The following CEP250 variants were observed in gnomAD, a reference collection of about 807,000 sequenced individuals.
CEP250 encodes centrosome-associated protein CEP250.
A neutral mutation model predicts 315.7 loss-of-function variants in CEP250; 242 were observed. The ratio of observed to expected loss-of-function variants is 0.77; its 90% confidence interval spans 0.69 to 0.85. The LOEUF (loss-of-function observed/expected upper bound fraction) is 0.85. CEP250 is among the 40% of genes least tolerant of loss of function. The probability of loss-of-function intolerance (pLI) is 0.00; values close to 1 mark genes in which losing one functional copy is unlikely to be tolerated. For synonymous variants in CEP250, 1,088 were observed against 1,175.0 expected, an observed-to-expected ratio of 0.93 and a Z score of 1.51; for missense variants, 2,515 against 2,886.4, an observed-to-expected ratio of 0.87 and a Z score of 2.95.
Position 35,479,964 on chromosome 20 carries a change from C to T in CEP250, c.2417-12C>T, listed in dbSNP as rs2063297831. 1 of 1,612,952 alleles carries T rather than the reference C, an allele frequency of 6.2e-7. No individual in the cohort carries two copies. The highest frequency in any genetic ancestry group is 8.5e-7 in the Non-Finnish European group (1 of 1,179,336). ...AGGGGGCGGAGGCCTGATCCTGTCC[C>T]TGGCATGTTAGGGGAAGTGAGGTGC... On this transcript the variant is annotated splice_polypyrimidine_tract_variant and intron_variant, in intron 19 of 34. Coordinates refer to ENST00000397527, the MANE Select transcript of CEP250 (RefSeq NM_007186.6).
In CEP250 at chr20:35,512,177, G is replaced by A; in HGVS notation, c.*551G>A. ...CCTACAGTCCAGTTGATGAGAACAG[G>A]CTAACACTCATTTATGAGTCAGAGG... On this transcript the variant is annotated 3_prime_UTR_variant, in exon 35 of 35. Transcript: ENST00000397527. 3.3e-6 allele frequency: 1 copy of A among 307,130 alleles called. No individual in the cohort carries two copies. Among genetic ancestry groups the A allele is most frequent in the Non-Finnish European group, 4.8e-6 (1 of 209,394 alleles). 19.0% of individuals were successfully genotyped at this position (307,130 alleles called of 1,614,324 possible).
rs951885577 is a variant in CEP250 at position 35,516,262 on chromosome 20, C to A, written c.*4636C>A. 1 of 152,188 alleles carries A rather than the reference C, an allele frequency of 6.6e-6. No individual in the cohort carries two copies. Among genetic ancestry groups the A allele is most frequent in the Non-Finnish European group, 1.5e-5 (1 of 68,030 alleles). The allele number at this position is 152,188 out of a possible 1,614,324, so 9.4% of individuals were successfully genotyped here. The stretch of plus-strand genomic sequence containing the variant: ...CGAGAATTCATATTCAAATGTGATT[C>A]TTTCTTAATTACTACCAGTTGTTCA... On this transcript the variant is annotated 3_prime_UTR_variant, in exon 35 of 35. Coordinates refer to ENST00000397527, the MANE Select transcript of CEP250 (RefSeq NM_007186.6).
intron 20 of CEP250, among the ~76,000 whole-genome samples, chr20:35,484,328 C>T (rs2063444339): frequency 6.6e-6 from 1 of 152,136 alleles, no homozygotes; most frequent in African/African-American, 2.4e-5. Flanking sequence ...ATCCCAGGAC[C>T]ACCTTAAAGT....
rs1163871888 is a variant in CEP250, at chr20:35,516,704, A to G, written c.*5078A>G. On this transcript the variant is annotated 3_prime_UTR_variant, in exon 35 of 35. Coordinates refer to ENST00000397527, the MANE Select transcript of CEP250 (RefSeq NM_007186.6). ...CCTGGACACAGATGAAAGTTTGCAG[A>G]ATGACCCAGTTGTGCAGAAGAGACC... 3 of 152,280 alleles carry G rather than the reference A, an allele frequency of 2.0e-5. No homozygotes were observed. The highest frequency in any genetic ancestry group is 7.2e-5 in the African/African-American group (3 of 41,464). 9.4% of individuals were successfully genotyped at this position (152,280 alleles called of 1,614,324 possible). A position where few individuals can be genotyped will look rare whatever the true frequency, so the allele number is the denominator to read the frequency against.
At chr20:35,489,929 A>G (rs928821434) in intron 20 of CEP250, among the ~76,000 whole-genome samples, 1 of 152,190 alleles carries the variant, frequency 6.6e-6, no homozygotes, top group African/African-American at 2.4e-5. Context: ...CTGTGTTCTT[A>G]GCTACTCAGG....
rs6142393 is a variant in CEP250 at position 35,480,088 on chromosome 20, C to T, written c.2529C>T (p.Ala843=). Residue 843 remains alanine (A), a synonymous_variant, in exon 20 of 35, where the codon GCC becomes GCT. Coordinates refer to ENST00000397527, the MANE Select transcript of CEP250 (RefSeq NM_007186.6). ...LAQAEQEGKT[A]LEQQKAAHEK... ...AGGCTGAGCAAGAAGGGAAGACTGC[C>T]TTGGAGCAGCAGAAGGCAGCCCATG... The T allele has an allele frequency of 1.9e-6, 3 of 1,612,756 alleles. No homozygotes were observed. Among genetic ancestry groups the T allele is most frequent in the Non-Finnish European group, 2.5e-6 (3 of 1,180,022 alleles).
intron 24 of CEP250, among the ~76,000 whole-genome samples, chr20:35,496,338 A>G (rs1034400986): frequency 6.6e-6 from 1 of 151,936 alleles, no homozygotes; most frequent in African/African-American, 2.4e-5. Context: ...CTCTGTCTCA[A>G]TAAAAAAAAA....
chr20:35,502,975 CAAATGATT>C lies in CEP250; in HGVS notation c.4607_4614del (p.Gln1536ArgfsTer75). ...GCTTCTAGAACTTGAGAAGAAAGACCAAATGATTGAGTCCCAGAGAGGACAGGTTCAGG... is the reference window on the plus strand; with the variant it reads ...GCTTCTAGAACTTGAGAAGAAAGACCGAGTCCCAGAGAGGACAGGTTCAGG... On this transcript the variant is annotated frameshift_variant, in exon 30 of 35. Transcript: ENST00000397527. LOFTEE classifies it high-confidence loss of function. The C allele has an allele frequency of 6.2e-7, 1 of 1,614,132 alleles. No individual in the cohort carries two copies. The highest frequency in any genetic ancestry group is 8.5e-7 in the Non-Finnish European group (1 of 1,180,020).
chr20:35,469,328 T>C (rs755965512), intron 9 of CEP250, among the ~76,000 whole-genome samples: 2 of 152,148 alleles, frequency 1.3e-5, no homozygotes, highest in African/African-American at 2.4e-5. Flanking sequence ...TTTAAACTTT[T>C]AGATAGCATT....
chr20:35,492,468 A>G (rs1024142988), intron 22 of CEP250, among the ~76,000 whole-genome samples: 2 of 152,060 alleles, frequency 1.3e-5, no homozygotes, highest in African/African-American at 4.8e-5. Flanking sequence ...AGTGAATTGT[A>G]TGGTATATGA....
In CEP250 at chr20:35,504,040, G is replaced by A; in HGVS notation, c.5671G>A (p.Asp1891Asn). 1 of 1,606,790 alleles carries A rather than the reference G, an allele frequency of 6.2e-7. No homozygotes were observed. The highest frequency in any genetic ancestry group is 8.5e-7 in the Non-Finnish European group (1 of 1,175,962). Residue 1891 changes from aspartate (D) to asparagine (N), a missense_variant, in exon 30 of 35, where the codon GAC becomes AAC. Asp to Asn is a conservative substitution (Grantham distance 23). Transcript: ENST00000397527. Reference sequence around the variant, plus strand: ...CCAGGCCCTGGAGGAGGTGCTGGGAGACCTAAGGGCTGAGTCTCGGGAACA... The same window carrying A: ...CCAGGCCCTGGAGGAGGTGCTGGGAAACCTAAGGGCTGAGTCTCGGGAACA... ...RVQALEEVLG[D>N]LRAESREQEK...
Position 35,476,429 on chromosome 20 carries a change from T to G in CEP250, c.1717-20T>G, listed in dbSNP as rs1172837528. On this transcript the variant is annotated intron_variant, in intron 15 of 34. Transcript: ENST00000397527. ...GGAAAATTGGAAATATGAAACTCTT[T>G]AATCCTTTTTGTTTTTTAGGCAGAG... The G allele has an allele frequency of 2.5e-6, 4 of 1,606,808 alleles. No homozygotes were observed. Among genetic ancestry groups the G allele is most frequent in the Non-Finnish European group, 3.4e-6 (4 of 1,174,224 alleles).
Position 35,503,703 on chromosome 20 carries a change from G to A in CEP250, c.5334G>A (p.Gln1778=). The change falls in exon 30 of 35, where the codon CAG becomes CAA. Residue 1778 remains glutamine (Q), a synonymous_variant. Coordinates refer to ENST00000397527, the MANE Select transcript of CEP250 (RefSeq NM_007186.6). The surrounding 1 kb of genome is among the most constrained non-coding windows in gnomAD (Gnocchi z 4.2). ...ETSLLLSQRE[Q]EIVVLQQQLQ... is the part of the protein sequence containing the mutation. ...GCCTCCTCCTGTCCCAGCGAGAGCA[G>A]GAAATAGTGGTCCTGCAGCAGCAAC... is the stretch of plus-strand genomic sequence containing the variant. 3 of 1,614,132 alleles carry A rather than the reference G, an allele frequency of 1.9e-6. No individual in the cohort carries two copies. The highest frequency in any genetic ancestry group is 2.5e-6 in the Non-Finnish European group (3 of 1,180,010).
chr20:35,493,163 G>A (rs1333084820), intron 22 of CEP250, among the ~76,000 whole-genome samples: 1 of 151,870 alleles, frequency 6.6e-6, no homozygotes, highest in African/African-American at 2.4e-5. Context: ...TTAGGGGATC[G>A]TGGCATCAAG....
At chr20:35,481,189 G>C (rs556343328) in intron 20 of CEP250, 1 of 152,274 alleles carries the variant, frequency 6.6e-6, no homozygotes, top group Non-Finnish European at 1.5e-5. Flanking sequence ...AGGCTGAGGT[G>C]GGCAGATTGC....
In CEP250 at chr20:35,478,000, G is replaced by C. The variant is rs1195085922; in HGVS notation, c.1993G>C (p.Glu665Gln). ...EALWEKNTHL[E>Q]AQLQKAEEAG... is the part of the protein sequence containing the mutation. ...CCTGTGGGAAAAGAACACTCACCTGGAGGCTCAGCTGCAGAAAGCTGAGGA... is the reference window on the plus strand; with the variant it reads ...CCTGTGGGAAAAGAACACTCACCTGCAGGCTCAGCTGCAGAAAGCTGAGGA... Residue 665 changes from glutamate (E) to glutamine (Q), a missense_variant, in exon 17 of 35, where the codon GAG becomes CAG. Glu to Gln is a conservative substitution (Grantham distance 29). Transcript: ENST00000397527. The C allele has an allele frequency of 6.2e-7, 1 of 1,614,054 alleles. No homozygotes were observed. The highest frequency in any genetic ancestry group is 1.1e-5 in the South Asian group (1 of 91,012).
chr20:35,505,738 GA>G (rs1258941137), intron 30 of CEP250, among the ~76,000 whole-genome samples: 3 of 152,052 alleles, frequency 2.0e-5, no homozygotes, highest in Non-Finnish European at 4.4e-5. Context: ...ACGGGAAGAG[GA>G]AAAGAGGGCG....
intron 2 of CEP250, among the ~76,000 whole-genome samples, chr20:35,458,943 G>A (rs1221674103): frequency 1.5e-5 from 2 of 136,866 alleles, no homozygotes; most frequent in African/African-American, 5.5e-5. Context: ...CTTTTAGTAT[G>A]GTATATTTGC....
rs768111690 is a variant in CEP250, at chr20:35,493,519, C to T, written c.2980C>T (p.Leu994Phe). The T allele has an allele frequency of 1.9e-6, 3 of 1,607,908 alleles. No individual in the cohort carries two copies. Among genetic ancestry groups the T allele is most frequent in the Admixed American group, 1.7e-5 (1 of 59,010 alleles). Reference sequence around the variant, plus strand: ...GCAGCACAGAGATGACCTTGCTGCCCTCCAAGAAGAGAGCAGCTCCCTGCT... The same window carrying T: ...GCAGCACAGAGATGACCTTGCTGCCTTCCAAGAAGAGAGCAGCTCCCTGCT... ...ARQHRDDLAA[L>F]QEESSSLLQD... The change falls in exon 23 of 35, where the codon CTC becomes TTC. Residue 994 changes from leucine (L) to phenylalanine (F), a missense_variant. By Grantham distance (22) the Leu-to-Phe change is conservative. Coordinates refer to ENST00000397527, the MANE Select transcript of CEP250 (RefSeq NM_007186.6).
Sources: gnomAD v4.1 joint callset for allele counts (sites outside exome capture counted in the v4.1 genomes callset) on GRCh38, gnomAD v4.1.1 for gene constraint, Gnocchi (gnomAD v3.1) non-coding constraint, MANE v1.5 for transcripts, NCBI Gene and HGNC (gene_info 2026-07-23, HGNC 2026-07-21) for gene names.